HEATR9: variants seen among roughly 807,000 people sequenced by gnomAD.
HEATR9 encodes protein HEATR9.
Under a neutral mutation model 68.2 loss-of-function variants are expected in HEATR9, and 54 were observed. The ratio of observed to expected loss-of-function variants is 0.79; its 90% CI spans 0.64 to 0.99. The LOEUF (loss-of-function observed/expected upper bound fraction) is 0.99, where lower values mean the gene tolerates loss of function less well. HEATR9 is among the 50% of genes least tolerant of loss of function. The pLI is 0.00. For synonymous variants in HEATR9, 241 were observed against 253.5 expected, an observed-to-expected ratio of 0.95 and a Z score of 0.47; for missense variants, 662 against 679.7, an observed-to-expected ratio of 0.97 and a Z score of 0.29.
At chr17:35,864,920 G>C in intron 3 of HEATR9, 30 bp from the exon 4 acceptor site, 1 of 1,614,156 alleles carries the variant, frequency 6.2e-7, no homozygotes, top group Non-Finnish European at 8.5e-7. Flanking sequence ...GGCAGCTTTG[G>C]TCCCTTTGTA....
intron 8 of HEATR9, chr17:35,861,610 A>T (rs2087995376): frequency 3.1e-6 from 2 of 639,502 alleles, no homozygotes; most frequent in Non-Finnish European, 5.6e-6. Flanking sequence ...ACCATGCCAA[A>T]CATACTCCTC....
chr17:35,856,261 A>G, intron 12 of HEATR9, 37 bp from the exon 13 acceptor site: 1 of 1,614,026 alleles, frequency 6.2e-7, no homozygotes, highest in East Asian at 2.2e-5. Flanking sequence ...TAGTTGAATT[A>G]AGGAGTAGGG....
chr17:35,856,528 CTCTT>C (rs991401417), intron 12 of HEATR9, among the ~76,000 whole-genome samples, 200 bp downstream of exon 12: 3 of 152,134 alleles, frequency 2.0e-5, no homozygotes, highest in African/African-American at 7.2e-5. Flanking sequence ...GGTATTATTA[CTCTT>C]TCTTTACAGA....
rs562179157 is a variant in HEATR9, at chr17:35,865,212, C to T, written c.320+3G>A. The T allele has an allele frequency of 4.3e-6, 7 of 1,612,572 alleles. No individual in the cohort carries two copies. Among genetic ancestry groups the T allele is most frequent in the Non-Finnish European group, 5.9e-6 (7 of 1,179,132 alleles). On this transcript the variant is annotated splice_donor_region_variant and intron_variant, in intron 3 of 14. Transcript: ENST00000604834. ...GAAGAATATGGAGGCCAGCAAAACA[C>T]ACCTACAGTCATCTCTCATTTTCCT...
chr17:35,855,345 C>T lies in HEATR9; in HGVS notation c.1431G>A (p.Lys477=). ...TAGGTGCCTCATATACAGAGAGAAC[C>T]TTGTTTTTCAGCTTGTTTTGGATCC... is the stretch of plus-strand genomic sequence containing the variant. ...DPWIQNKLKN[K]VLSVYEAPKT... Residue 477 remains lysine, a synonymous_variant, in exon 15 of 15, where the codon AAG becomes AAA. Transcript: ENST00000604834. The T allele has an allele frequency of 6.2e-7, 1 of 1,614,154 alleles. No homozygotes were observed. The highest frequency in any genetic ancestry group is 1.3e-5 in the African/African-American group (1 of 75,040).
rs2087735061 is a variant in HEATR9 at position 35,855,380 on chromosome 17, T to C, written c.1396A>G (p.Ile466Val). 4.3e-6 allele frequency: 7 copies of C among 1,613,828 alleles called. No individual in the cohort carries two copies. Among genetic ancestry groups the C allele is most frequent in the Non-Finnish European group, 5.9e-6 (7 of 1,179,944 alleles). Reference sequence around the variant, plus strand: ...AGCTTGTTTTGGATCCAGGGATCAATTGAGGCACAAAGGATTAATGTTTCT... The same window carrying C: ...AGCTTGTTTTGGATCCAGGGATCAACTGAGGCACAAAGGATTAATGTTTCT... ...LQETLILCASIDPWIQNKLKN... is the reference protein window; with the variant it reads ...LQETLILCASVDPWIQNKLKN... Residue 466 changes from isoleucine (I) to valine (V), a missense_variant, in exon 15 of 15, where the codon ATT becomes GTT. By Grantham distance (29) the Ile-to-Val change is conservative. Transcript: ENST00000604834.
chr17:35,856,506 C>T, intron 12 of HEATR9: 2 of 838,902 alleles, frequency 2.4e-6, no homozygotes, highest in South Asian at 1.6e-5. Flanking sequence ...CAACCTATAC[C>T]TAACCTTGGT....
Position 35,855,281 on chromosome 17 carries a change from C to G in HEATR9, c.1495G>C (p.Glu499Gln). The G allele has an allele frequency of 4.3e-6, 7 of 1,614,210 alleles. No individual in the cohort carries two copies. The highest frequency in any genetic ancestry group is 5.9e-6 in the Non-Finnish European group (7 of 1,180,018). Residue 499 changes from glutamate (E) to glutamine (Q), a missense_variant, in exon 15 of 15, where the codon GAG (glutamate) becomes CAG (glutamine). Physicochemically the swap from Glu to Gln is conservative, Grantham distance 29. Transcript: ENST00000604834. ...GTTAACTCTTCTGGGTTCTCAGGCT[C>G]TTTCTGGAACCTTGTGGGCTCTGCC... ...VKAEPTRFQK[E>Q]PENPEELTIQ...
intron 8 of HEATR9, chr17:35,861,511 A>C (rs921373866): frequency 2.2e-5 from 24 of 1,069,142 alleles, no homozygotes; most frequent in Non-Finnish European, 3.4e-5. Flanking sequence ...GACAAACATC[A>C]TGTCATGGCT....
chr17:35,859,597 C>T (rs942428694), intron 8 of HEATR9, among the ~76,000 whole-genome samples: 2 of 152,330 alleles, frequency 1.3e-5, no homozygotes, highest in South Asian at 2.1e-4. Flanking sequence ...ATTCCATGAT[C>T]CTGCTGTAAT....
intron 8 of HEATR9, among the ~76,000 whole-genome samples, chr17:35,861,904 G>A (rs1437839621): frequency 6.6e-6 from 1 of 151,622 alleles, no homozygotes; most frequent in Non-Finnish European, 1.5e-5. Flanking sequence ...CGTTGCCCAG[G>A]CTGGAGTGCA....
At chr17:35,856,070 C>T (rs1237863827) in intron 13 of HEATR9, 103 bp downstream of exon 13, 6 of 1,290,252 alleles carry the variant, frequency 4.7e-6, no homozygotes, top group Admixed American at 1.8e-5. Flanking sequence ...AACAACTTCC[C>T]CGAAGTTTAC....
In HEATR9 at chr17:35,867,253, T is replaced by A. The variant is rs566518360; in HGVS notation, c.89-480A>T. On this transcript the variant is annotated intron_variant, in intron 1 of 14. Coordinates refer to ENST00000604834, the MANE Select transcript of HEATR9 (RefSeq NM_152781.4). ...GGGCGACAGAGCGACAGAGCGAGAC[T>A]CCGTCTCAAAAAATAAATAAATAAA... 1.6e-4 allele frequency among the ~76,000 whole-genome samples: 25 copies of A among 151,696 alleles called. No individual in the cohort carries two copies. The South Asian group carries it at 4.4e-3, about 27-fold the overall frequency.
chr17:35,867,110 AT>A (rs1447565504), intron 1 of HEATR9, among the ~76,000 whole-genome samples: 7 of 137,238 alleles, frequency 5.1e-5, no homozygotes, highest in African/African-American at 2.0e-4. Context: ...AAAAAAAAAA[AT>A]TAGCCATGTG....
At chr17:35,865,674 C>A (rs944455411) in intron 2 of HEATR9, among the ~76,000 whole-genome samples, 1 of 152,160 alleles carries the variant, frequency 6.6e-6, no homozygotes, top group African/African-American at 2.4e-5. Context: ...AAAGAGAGAT[C>A]CAGATTGTGA....
chr17:35,856,764 C>G lies in HEATR9; in HGVS notation c.1194G>C (p.Lys398Asn), dbSNP rs1256023122. 6.2e-7 allele frequency: 1 copy of G among 1,606,486 alleles called. No individual in the cohort carries two copies. Among genetic ancestry groups the G allele is most frequent in the Non-Finnish European group, 8.5e-7 (1 of 1,176,530 alleles). Residue 398 changes from lysine (K) to asparagine (N), a missense_variant, in exon 12 of 15, where the codon AAG becomes AAC. Coordinates refer to ENST00000604834, the MANE Select transcript of HEATR9 (RefSeq NM_152781.4). The stretch of plus-strand genomic sequence containing the variant: ...CCAAGTTCATCATCGTAGGCTTCAA[C>G]TTGAGCTCTTCCACAGTTTGAGCCA... ...QAVAQTVEELKLKPTMMNLVE... is the reference protein window; with the variant it reads ...QAVAQTVEELNLKPTMMNLVE...
At position 35,858,332 on chromosome 17, in the gene HEATR9, G is replaced by T. The variant is rs571663362; in HGVS notation, c.1033-13C>A. On this transcript the variant is annotated splice_polypyrimidine_tract_variant and intron_variant, in intron 10 of 14. Coordinates refer to ENST00000604834, the MANE Select transcript of HEATR9 (RefSeq NM_152781.4). Reference sequence around the variant, plus strand: ...CTTCAAAGCGGTCCTGAGGTCGGGGGTGAGGGTTAGTGGGGAGGTGTGAAA... The same window carrying T: ...CTTCAAAGCGGTCCTGAGGTCGGGGTTGAGGGTTAGTGGGGAGGTGTGAAA... The T allele has an allele frequency of 1.3e-5, 21 of 1,614,172 alleles. No individual in the cohort carries two copies. In the African/African-American group the frequency reaches 2.8e-4, roughly 22 times the overall value.
At chr17:35,865,718 A>C (rs967276750) in intron 2 of HEATR9, among the ~76,000 whole-genome samples, 18 of 152,212 alleles carry the variant, frequency 1.2e-4, no homozygotes, top group Non-Finnish European at 2.5e-4. Flanking sequence ...ATTTGAATAC[A>C]TAGTTTGGTT....
rs1190168639 is a variant in HEATR9, at chr17:35,858,269, G to A, written c.1083C>T (p.Ile361=). 2 of 1,614,052 alleles carry A rather than the reference G, an allele frequency of 1.2e-6. No individual in the cohort carries two copies. The highest frequency in any genetic ancestry group is 1.7e-5 in the Admixed American group (1 of 59,998). The change falls in exon 11 of 15, where the codon ATC becomes ATT. Residue 361 remains isoleucine (I), a synonymous_variant. Transcript: ENST00000604834. ...QMLKTIGLEQ[I]QAQGLEELTF... is the part of the protein sequence containing the mutation. Reference sequence around the variant, plus strand: ...TGAGTTCCTCTAGCCCCTGTGCCTGGATCTGTTCCAGCCCAATGGTCTTGA... The same window carrying A: ...TGAGTTCCTCTAGCCCCTGTGCCTGAATCTGTTCCAGCCCAATGGTCTTGA...
Sources: gnomAD v4.1 joint callset for allele counts (sites outside exome capture counted in the v4.1 genomes callset) on GRCh38, gnomAD v4.1.1 for gene constraint, MANE v1.5 for transcripts, NCBI Gene and HGNC (gene_info 2026-07-23, HGNC 2026-07-21) for gene names.